CFAP91: variants seen among roughly 807,000 people sequenced by gnomAD.
CFAP91 encodes the protein cilia and flagella associated protein 91.
Under a neutral mutation model 95.9 loss-of-function variants are expected in CFAP91, and 85 were observed. The ratio of observed to expected loss-of-function variants is 0.89; its 90% confidence interval spans 0.74 to 1.06. The LOEUF (loss-of-function observed/expected upper bound fraction) is 1.06. Among genes scored for constraint, CFAP91 ranks in the 50% least tolerant of loss-of-function variants. CFAP91 has a pLI of 0.00. For missense variants in CFAP91, 962 were observed against 943.4 expected (o/e 1.02, Z -0.26); for synonymous variants, 335 against 327.5 (o/e 1.02, Z -0.25).
At chr3:119,733,237 T>C (rs2053937121) in intron 9 of CFAP91, 127 bp from the exon 10 acceptor site, 1 of 853,934 alleles carries the variant, frequency 1.2e-6, no homozygotes, top group African/African-American at 1.7e-5. Context: ...CATTCTATTA[T>C]ATGAGATACA....
intron 17 of CFAP91, among the ~76,000 whole-genome samples, chr3:119,753,746 TG>T (rs143441258): frequency 0.017 from 2,607 of 152,290 alleles, 52 homozygotes; most frequent in African/African-American, 0.045. Flanking sequence ...TGTGAGATTT[TG>T]GTACACCCAT....
chr3:119,724,255 T>C (rs911255424), intron 6 of CFAP91, among the ~76,000 whole-genome samples: 1 of 151,914 alleles, frequency 6.6e-6, no homozygotes, highest in Admixed American at 6.6e-5. Flanking sequence ...GACACATAAA[T>C]TTGTATATAA....
In CFAP91 at chr3:119,703,047, A is replaced by G. The variant is rs2053283381; in HGVS notation, c.-52A>G. On this transcript the variant is annotated 5_prime_UTR_variant, in exon 1 of 18. Transcript: ENST00000273390. ...GTTACCATAGCGACGTGCACGCAGT[A>G]GCCAGGCCTGACCCGCTGGTCCCTT... The G allele has an allele frequency of 6.5e-7, 1 of 1,541,634 alleles. No homozygotes were observed. Among genetic ancestry groups the G allele is most frequent in the South Asian group, 1.2e-5 (1 of 82,994 alleles).
chr3:119,746,613 C>T (rs2054223403), intron 14 of CFAP91, among the ~76,000 whole-genome samples: 1 of 152,152 alleles, frequency 6.6e-6, no homozygotes, highest in Admixed American at 6.5e-5. Flanking sequence ...TTGGTCAGAA[C>T]GTGGTCATAT....
chr3:119,760,538 C>G (rs929587575), intron 17 of CFAP91, among the ~76,000 whole-genome samples: 2 of 151,718 alleles, frequency 1.3e-5, no homozygotes, highest in African/African-American at 4.8e-5. Flanking sequence ...CCAAATGGAC[C>G]TAACAGACAT....
intron 16 of CFAP91, among the ~76,000 whole-genome samples, chr3:119,748,595 G>A (rs958764532): frequency 6.6e-6 from 1 of 152,132 alleles, no homozygotes; most frequent in Non-Finnish European, 1.5e-5. Context: ...AAATTATACC[G>A]GGGAATTCCA....
At chr3:119,707,692 C>A (rs1303930717) in intron 3 of CFAP91, 131 bp downstream of exon 3, 2 of 547,480 alleles carry the variant, frequency 3.7e-6, no homozygotes, top group Non-Finnish European at 5.6e-6. Flanking sequence ...TTCTAAACCT[C>A]TTTTGACCAA....
At chr3:119,727,032 C>T (rs2053796746) in intron 7 of CFAP91, among the ~76,000 whole-genome samples, 1 of 152,046 alleles carries the variant, frequency 6.6e-6, no homozygotes, top group African/African-American at 2.4e-5. Context: ...GGAGTTGTTG[C>T]TGATATGTGG....
intron 6 of CFAP91, 131 bp from the exon 7 acceptor site, chr3:119,726,040 T>C (rs1242784075): frequency 6.0e-6 from 4 of 669,486 alleles, no homozygotes; most frequent in South Asian, 2.6e-5. Context: ...GGCTGTTCCC[T>C]AATGTCATGT....
chr3:119,707,732 G>GAGATATATATATATATAT (rs1553704804), intron 3 of CFAP91, among the ~76,000 whole-genome samples, 171 bp downstream of exon 3: 1 of 142,468 alleles, frequency 7.0e-6, no homozygotes, highest in Non-Finnish European at 1.5e-5. Flanking sequence ...GTATATATGA[G>GAGATATATATATATATAT]ATATATATAT....
At chr3:119,750,197 G>A (rs1355188286) in intron 16 of CFAP91, 2 of 152,178 alleles carry the variant, frequency 1.3e-5, no homozygotes, top group Non-Finnish European at 2.9e-5. Context: ...TTGACTTTAT[G>A]TAAATTACCT....
intron 6 of CFAP91, among the ~76,000 whole-genome samples, chr3:119,717,788 T>C (rs530876765): frequency 1.3e-5 from 2 of 152,266 alleles, no homozygotes; most frequent in African/African-American, 4.8e-5. Context: ...TACGAACAGC[T>C]GCCATTTGGC....
In CFAP91 at chr3:119,722,678, G is replaced by A. The variant is rs115008757; in HGVS notation, c.683-3493G>A. ...TAATTAAAAAAATATATTTTTTTGT[G>A]GAGATGGGGTTTCATTATGTTGCCC... On this transcript the variant is annotated intron_variant, in intron 6 of 17. Coordinates refer to ENST00000273390, the MANE Select transcript of CFAP91 (RefSeq NM_033364.4). 2.8e-3 allele frequency among the ~76,000 whole-genome samples: 430 copies of A among 151,810 alleles called. 4 individuals carry two copies. The highest frequency in any genetic ancestry group is 9.9e-3 in the African/African-American group (409 of 41,362).
rs770594988 is a variant in CFAP91 at position 119,707,732 on chromosome 3, G to GATATATATATATATATATATATATAT, written c.359+188_359+189insTATATATATATATATATATATATATA. ...ACCTGATTATATATTGTATATATGA[G>GATATATATATATATATATATATATAT]ATATATATATATATATAATTTTGTC... On this transcript the variant is annotated intron_variant, in intron 3 of 17. Coordinates refer to ENST00000273390, the MANE Select transcript of CFAP91 (RefSeq NM_033364.4). Among the ~76,000 whole-genome samples, 159 of 142,364 alleles carry GATATATATATATATATATATATATAT rather than the reference G, an allele frequency of 1.1e-3. 1 individual carries two copies. The highest frequency in any genetic ancestry group is 1.1e-3 in the African/African-American group (44 of 38,866). The allele number at this position is 142,364 out of a possible 152,430, so 93.4% of individuals were successfully genotyped here. A position where few individuals can be genotyped will look rare whatever the true frequency, so the allele number is the denominator to read the frequency against.
chr3:119,706,883 C>T lies in CFAP91; in HGVS notation c.199C>T (p.Leu67=). Residue 67 remains leucine, a splice_region_variant and synonymous_variant, in exon 2 of 18, where the codon CTG becomes TTG. Transcript: ENST00000273390. ...NIQATLIRSR[L]RKVPRFKTMF... is the part of the protein sequence containing the mutation. ...CCAAGCTACCCTGATTCGCAGCAGA[C>T]TGGTATGTCTAATTCATCAGCCAAG... The T allele has an allele frequency of 6.2e-7, 1 of 1,610,590 alleles. No homozygotes were observed. The highest frequency in any genetic ancestry group is 8.5e-7 in the Non-Finnish European group (1 of 1,178,176).
At chr3:119,705,182 A>C (rs1328069954) in intron 1 of CFAP91, among the ~76,000 whole-genome samples, 1 of 152,212 alleles carries the variant, frequency 6.6e-6, no homozygotes, top group Non-Finnish European at 1.5e-5. Context: ...TTAGCCCTAA[A>C]GCTCACCACC....
intron 9 of CFAP91, 79 bp from the exon 10 acceptor site, chr3:119,733,285 G>A: frequency 6.8e-7 from 1 of 1,472,074 alleles, no homozygotes; most frequent in Non-Finnish European, 9.2e-7. Context: ...TTGGCAAACA[G>A]CTACAAAAGT....
rs1236189507 is a variant in CFAP91, at chr3:119,766,894, A to G, written c.*1844A>G. ...TATCCTTATGTAGACTTCTAAAACT[A>G]TGTTTTGCATTTAGACAGTCAAGGA... On this transcript the variant is annotated 3_prime_UTR_variant, in exon 18 of 18. Transcript: ENST00000273390. 3 of 152,240 alleles carry G rather than the reference A, an allele frequency of 2.0e-5. No individual in the cohort carries two copies. The highest frequency in any genetic ancestry group is 6.5e-5 in the Admixed American group (1 of 15,290). The allele number at this position is 152,240 out of a possible 1,614,324, so 9.4% of individuals were successfully genotyped here.
At position 119,732,603 on chromosome 3, in the gene CFAP91, A is replaced by T. The variant is rs966002652; in HGVS notation, c.1201+127A>T. On this transcript the variant is annotated intron_variant, in intron 9 of 17. Transcript: ENST00000273390. Reference sequence around the variant, plus strand: ...AAAATATTTGCAATAAACACTGATGATACAAACCAATAAAAACTACTAAGA... The same window carrying T: ...AAAATATTTGCAATAAACACTGATGTTACAAACCAATAAAAACTACTAAGA... The T allele has an allele frequency of 9.0e-6, 6 of 665,638 alleles. No homozygotes were observed. In the African/African-American group the frequency reaches 1.1e-4, roughly 12 times the overall value. 41.2% of individuals were successfully genotyped at this position (665,638 alleles called of 1,614,324 possible).
Sources: allele counts gnomAD v4.1 joint callset (sites outside exome capture counted in the v4.1 genomes callset), GRCh38; gene constraint gnomAD v4.1.1; transcripts MANE v1.5; gene names NCBI Gene and HGNC (gene_info 2026-07-23, HGNC 2026-07-21).